The following GKAP1 variants were observed in gnomAD, a reference collection of about 807,000 sequenced individuals.
The protein encoded by GKAP1 is G kinase anchoring protein 1.
In GKAP1, 31 loss-of-function variants were observed where a neutral mutation model predicts 56.7. The observed-to-expected ratio is 0.55, with a 90% confidence interval of 0.41 to 0.74. The LOEUF is 0.74. Among genes scored for constraint, GKAP1 ranks in the 30% least tolerant of loss-of-function variants. The pLI, the probability that GKAP1 is intolerant of heterozygous loss-of-function variation, is 0.00. For missense variants in GKAP1, 364 were observed against 402.3 expected, an observed-to-expected ratio of 0.90 and a Z score of 0.82; for synonymous variants, 151 against 138.6, an observed-to-expected ratio of 1.09 and a Z score of -0.63.
intron 4 of GKAP1, among the ~76,000 whole-genome samples, chr9:83,790,383 A>G (rs896193539): frequency 3.3e-5 from 5 of 152,202 alleles, no homozygotes; most frequent in African/African-American, 9.6e-5. Flanking sequence ...TTCAATGGTT[A>G]TAAGGTAAAA....
chr9:83,764,848 A>C (rs1441542475), intron 8 of GKAP1, among the ~76,000 whole-genome samples: 1 of 152,196 alleles, frequency 6.6e-6, no homozygotes, highest in Non-Finnish European at 1.5e-5. Flanking sequence ...GAAATTTCTA[A>C]GCAGCAAGGC....
rs1944294449 is a variant in GKAP1 at position 83,799,268 on chromosome 9, G to C, written c.277C>G (p.Gln93Glu). Residue 93 changes from glutamine (Q) to glutamate (E), a missense_variant, in exon 4 of 13, where the codon CAA becomes GAA. Physicochemically the swap from Gln to Glu is conservative, Grantham distance 29 (BLOSUM62 2). Transcript: ENST00000376371. Reference protein sequence around the residue: ...QKSSHAVCNAQHDLPLSNPVQ... With the variant: ...QKSSHAVCNAEHDLPLSNPVQ... ...GGGTTTGACAATGGAAGATCATGTT[G>C]AGCGTTACAAACAGCATGGGAGGAT... The C allele has an allele frequency of 1.9e-6, 3 of 1,607,576 alleles. No individual in the cohort carries two copies. The highest frequency in any genetic ancestry group is 1.7e-5 in the Admixed American group (1 of 58,274).
intron 6 of GKAP1, among the ~76,000 whole-genome samples, chr9:83,782,410 G>A (rs571946665): frequency 2.0e-4 from 30 of 151,194 alleles, no homozygotes; most frequent in African/African-American, 6.3e-4. Flanking sequence ...CCAGGCTGGA[G>A]TGCAATGGCG....
intron 10 of GKAP1, 25 bp from the exon 11 acceptor site, chr9:83,742,625 T>C (rs372616090): frequency 2.7e-4 from 424 of 1,553,438 alleles, no homozygotes; most frequent in Non-Finnish European, 3.7e-4. Context: ...AAAACAGCAG[T>C]ATAGATTTTC....
chr9:83,809,935 G>A (rs1944484785), intron 2 of GKAP1, among the ~76,000 whole-genome samples: 1 of 152,296 alleles, frequency 6.6e-6, no homozygotes. Flanking sequence ...AGCCTCCTGA[G>A]TAGCTGGGAC....
intron 2 of GKAP1, among the ~76,000 whole-genome samples, chr9:83,814,385 T>C (rs953028528): frequency 6.6e-5 from 10 of 152,220 alleles, no homozygotes; most frequent in African/African-American, 2.2e-4. Context: ...AAAACTTCCA[T>C]TTATTCCTCA....
chr9:83,773,641 C>A (rs1010070373), intron 7 of GKAP1, among the ~76,000 whole-genome samples: 1 of 152,182 alleles, frequency 6.6e-6, no homozygotes, highest in Non-Finnish European at 1.5e-5. Context: ...CGTGCCTCGA[C>A]AAGGTAACCA....
intron 4 of GKAP1, among the ~76,000 whole-genome samples, chr9:83,790,745 G>A (rs1378420661): frequency 2.6e-5 from 4 of 152,066 alleles, no homozygotes; most frequent in African/African-American, 9.7e-5. Context: ...CCCAGAGGCG[G>A]AGGTTGCAGT....
chr9:83,805,120 AC>A (rs1302182521), intron 3 of GKAP1, among the ~76,000 whole-genome samples: 6 of 152,168 alleles, frequency 3.9e-5, no homozygotes, highest in Non-Finnish European at 8.8e-5. Context: ...TTTGTTCTGT[AC>A]TAAGATAAAT....
chr9:83,758,107 T>C (rs1943507096), intron 8 of GKAP1, among the ~76,000 whole-genome samples: 1 of 152,140 alleles, frequency 6.6e-6, no homozygotes, highest in African/African-American at 2.4e-5. Context: ...GTGGAGAAAT[T>C]AGTAATCTCA....
chr9:83,765,325 T>C (rs578255170), intron 8 of GKAP1, among the ~76,000 whole-genome samples: 1 of 152,336 alleles, frequency 6.6e-6, no homozygotes, highest in South Asian at 2.1e-4. Context: ...TGGAAACTCC[T>C]GGATGTCCAG....
chr9:83,749,741 ACTAAATAGTACT>A (rs1943356111), intron 9 of GKAP1, among the ~76,000 whole-genome samples: 1 of 149,418 alleles, frequency 6.7e-6, no homozygotes, highest in Admixed American at 6.9e-5. Context: ...GATGGCTTTT[ACTAAATAGTACT>A]CTGTCCATTA....
chr9:83,815,114 G>A (rs527261857), intron 2 of GKAP1, among the ~76,000 whole-genome samples: 2 of 152,306 alleles, frequency 1.3e-5, no homozygotes, highest in Admixed American at 6.5e-5. Flanking sequence ...AGAGGTTGCA[G>A]TGAGCCAAGA....
At chr9:83,808,011 C>G (rs1564216752) in intron 2 of GKAP1, among the ~76,000 whole-genome samples, 1 of 152,192 alleles carries the variant, frequency 6.6e-6, no homozygotes, top group Admixed American at 6.5e-5. Flanking sequence ...ACAGTAAGAA[C>G]TGATGTCTGA....
intron 8 of GKAP1, among the ~76,000 whole-genome samples, chr9:83,763,398 ATAATT>A (rs1156600207): frequency 2.0e-5 from 3 of 152,242 alleles, no homozygotes; most frequent in South Asian, 4.1e-4. Context: ...CTATTAGTCA[ATAATT>A]TAATTGTACA....
In GKAP1 at chr9:83,742,578, A is replaced by G. The variant is rs1943225778; in HGVS notation, c.927T>C (p.Leu309=). 4.3e-6 allele frequency: 7 copies of G among 1,612,326 alleles called. No individual in the cohort carries two copies. The Admixed American group carries it at 1.2e-4, about 27-fold the overall frequency. The change falls in exon 11 of 13, where the codon CTT becomes CTC. Residue 309 remains leucine (L), a synonymous_variant. Transcript: ENST00000376371. The part of the protein sequence containing the change: ...EGEMKDKAEI[L]LQVDESQSIK... ...TACTTTGTGATTCATCAACTTGCAG[A>G]AGTATTTCTGCCTTATCTTTCACTG...
chr9:83,786,712 C>T (rs974418233), intron 5 of GKAP1, among the ~76,000 whole-genome samples: 7 of 152,084 alleles, frequency 4.6e-5, no homozygotes, highest in Non-Finnish European at 7.4e-5. Context: ...ATCAAACTAC[C>T]CATTGCACAC....
Position 83,780,419 on chromosome 9 carries a change from G to C in GKAP1, c.563-15C>G, listed in dbSNP as rs1056266496. On this transcript the variant is annotated splice_polypyrimidine_tract_variant and intron_variant, in intron 6 of 12. Transcript: ENST00000376371. ...ACTAATGTGATCTGTAAATGAAAAA[G>C]AAACAAAGATGAAACTTTATTGAAG... 6 of 552,554 alleles carry C rather than the reference G, an allele frequency of 1.1e-5. No homozygotes were observed. The highest frequency in any genetic ancestry group is 4.0e-4 in the Middle Eastern group (1 of 2,520). 34.2% of individuals were successfully genotyped at this position (552,554 alleles called of 1,614,324 possible). A position where few individuals can be genotyped will look rare whatever the true frequency, so the allele number is the denominator to read the frequency against.
At chr9:83,813,985 A>G (rs927448068) in intron 2 of GKAP1, among the ~76,000 whole-genome samples, 2 of 152,164 alleles carry the variant, frequency 1.3e-5, no homozygotes, top group African/African-American at 2.4e-5. Flanking sequence ...CTGTGGTCCC[A>G]GCTACTTGGG....
Sources: gnomAD v4.1 joint callset for allele counts (sites outside exome capture counted in the v4.1 genomes callset) on GRCh38, gnomAD v4.1.1 for gene constraint, MANE v1.5 for transcripts, NCBI Gene and HGNC (gene_info 2026-07-23, HGNC 2026-07-21) for gene names.